GPRIN1: variants seen among roughly 807,000 people sequenced by gnomAD.
GPRIN1 encodes G protein-regulated inducer of neurite outgrowth 1.
GPRIN1 carries 4 observed loss-of-function variants against 2.8 expected under a neutral mutation model. The observed-to-expected ratio is 1.45, with a 90% confidence interval of 0.71 to 3.32. The LOEUF is 3.32. Ranked by LOEUF, GPRIN1 falls within the 30% of genes most tolerant of loss-of-function variation. GPRIN1 has a pLI of 0.01. For missense variants in GPRIN1, 1,322 were observed against 1,343.4 expected (o/e 0.98, Z 0.25); for synonymous variants, 589 against 589.9 (o/e 1.00, Z 0.02).
At position 176,596,953 on chromosome 5, in the gene GPRIN1, G is replaced by A. The variant is rs774567940; in HGVS notation, c.2882C>T (p.Ala961Val). ...GCCCGAACGGCCGGGGCCGGCACGG[G>A]CGGCGGGCGGCGGCGCGGGCGCCCC... ...RQGAPAPPPAARAGPGRSGSV... is the reference protein window; with the variant it reads ...RQGAPAPPPAVRAGPGRSGSV... The change falls in exon 2 of 2, where the codon GCC (alanine) becomes GTC (valine). Residue 961 changes from alanine (A) to valine (V), a missense_variant. Around this residue, in one of 3 missense-constraint regions of GPRIN1, gnomAD observed 196 missense variants for 189.2 expected, o/e 1.04. Coordinates refer to ENST00000303991, the MANE Select transcript of GPRIN1 (RefSeq NM_052899.3). This position sits in a 1 kb window ranked among gnomAD's most constrained non-coding sequence, Gnocchi z 5.2. The A allele has an allele frequency of 7.7e-7, 1 of 1,302,788 alleles. No homozygotes were observed. The highest frequency in any genetic ancestry group is 1.5e-5 in the African/African-American group (1 of 65,476). The allele number at this position is 1,302,788 out of a possible 1,614,324, so 80.7% of individuals were successfully genotyped here. A position where few individuals can be genotyped will look rare whatever the true frequency, so the allele number is the denominator to read the frequency against.
At position 176,599,208 on chromosome 5, in the gene GPRIN1, T is replaced by G. The variant is rs776911072; in HGVS notation, c.627A>C (p.Glu209Asp). The change falls in exon 2 of 2, where the codon GAA (glutamate) becomes GAC (aspartate). Residue 209 changes from glutamate (E) to aspartate (D), a missense_variant. This residue lies in a region of GPRIN1 where 1,117 missense variants were observed against 1,128.6 expected (regional missense o/e 0.99). Coordinates refer to ENST00000303991, the MANE Select transcript of GPRIN1 (RefSeq NM_052899.3). ...CTACTTTTCCCAGGGATCCAAGATC[T>G]TCCTTTCTTACAGTCATGGGATCCA... ...GRMDPMTVRK[E>D]DLGSLGKVDP... 1.9e-6 allele frequency: 3 copies of G among 1,613,842 alleles called. No homozygotes were observed. In the East Asian group the frequency reaches 6.7e-5, roughly 36 times the overall value.
At chr5:176,609,392 G>A (rs566747802) in intron 1 of GPRIN1, among the ~76,000 whole-genome samples, 6 of 152,290 alleles carry the variant, frequency 3.9e-5, no homozygotes, top group East Asian at 1.9e-4. Flanking sequence ...ACAGGTGGCC[G>A]TGTGTATGAG....
Position 176,597,552 on chromosome 5 carries a change from G to T in GPRIN1, c.2283C>A (p.Ser761=). Residue 761 remains serine, a synonymous_variant, in exon 2 of 2, where the codon TCC becomes TCA. Transcript: ENST00000303991. This position sits in a 1 kb window ranked among gnomAD's most constrained non-coding sequence, Gnocchi z 6.1. ...CTTCCAGGTCTTTCTGGCCGAGACTGGAGGCCTCGGTGCTGGACACGGGCT... is the reference window on the plus strand; with the variant it reads ...CTTCCAGGTCTTTCTGGCCGAGACTTGAGGCCTCGGTGCTGGACACGGGCT... The part of the protein sequence containing the change: ...KAEPVSSTEA[S]SLGQKDLEAA... 6.4e-7 allele frequency: 1 copy of T among 1,561,210 alleles called. No individual in the cohort carries two copies. The highest frequency in any genetic ancestry group is 2.3e-5 in the East Asian group (1 of 42,700).
rs561068203 is a variant in GPRIN1, at chr5:176,598,199, G to A, written c.1636C>T (p.Leu546Phe). 2.5e-6 allele frequency: 4 copies of A among 1,612,090 alleles called. No individual in the cohort carries two copies. In the Admixed American group the frequency reaches 5.0e-5, roughly 20 times the overall value. ...ACAGGGTCCTCCTTGCCCACCGCGA[G>A]GGGCTCGGCCTTCCCTGAGGCTGTG... is the stretch of plus-strand genomic sequence containing the variant. ...APTASGKAEP[L>F]AVGKEDPVSK... The change falls in exon 2 of 2, where the codon CTC becomes TTC. Residue 546 changes from leucine to phenylalanine, a missense_variant. This residue lies in a region of GPRIN1 where 1,117 missense variants were observed against 1,128.6 expected (regional missense o/e 0.99). Transcript: ENST00000303991.
chr5:176,596,906 C>T lies in GPRIN1; in HGVS notation c.2929G>A (p.Asp977Asn), dbSNP rs745473003. The change falls in exon 2 of 2, where the codon GAT becomes AAT. Residue 977 changes from aspartate to asparagine, a missense_variant. Physicochemically the swap from Asp to Asn is conservative, Grantham distance 23 (BLOSUM62 1). This residue lies in a region of GPRIN1 where 196 missense variants were observed against 189.2 expected (regional missense o/e 1.04). Transcript: ENST00000303991. This position sits in a 1 kb window ranked among gnomAD's most constrained non-coding sequence, Gnocchi z 5.2. ...RSGSVRTAPP[D>N]GAAKRPPGLF... is the part of the protein sequence containing the mutation. ...CCGGGCGGACGCTTGGCGGCGCCAT[C>T]TGGGGGCGCGGTGCGCACCGAGCCC... 1 of 1,230,244 alleles carries T rather than the reference C, an allele frequency of 8.1e-7. No individual in the cohort carries two copies. The highest frequency in any genetic ancestry group is 1.6e-5 in the African/African-American group (1 of 64,396). The allele number at this position is 1,230,244 out of a possible 1,614,324, so 76.2% of individuals were successfully genotyped here.
At position 176,595,842 on chromosome 5, in the gene GPRIN1, T is replaced by C; in HGVS notation, c.*966A>G. 1 of 645,712 alleles carries C rather than the reference T, an allele frequency of 1.5e-6. No individual in the cohort carries two copies. Among genetic ancestry groups the C allele is most frequent in the Non-Finnish European group, 2.3e-6 (1 of 427,820 alleles). 40.0% of individuals were successfully genotyped at this position (645,712 alleles called of 1,614,324 possible). On this transcript the variant is annotated 3_prime_UTR_variant, in exon 2 of 2. Coordinates refer to ENST00000303991, the MANE Select transcript of GPRIN1 (RefSeq NM_052899.3). ...ATTACCAATGTATACTGTGACAGTT[T>C]GTAGCCAAAAACTGCGGCTGGAGGG... is the stretch of plus-strand genomic sequence containing the variant.
chr5:176,609,773 CCCCCG>C (rs565734795), intron 1 of GPRIN1, among the ~76,000 whole-genome samples: 1,849 of 148,924 alleles, frequency 0.012, 35 homozygotes, highest in African/African-American at 0.033. Flanking sequence ...GCGGGACCCG[CCCCCG>C]CCCCGCCCCG....
At chr5:176,603,538 G>A (rs565757769) in intron 1 of GPRIN1, among the ~76,000 whole-genome samples, 1 of 152,274 alleles carries the variant, frequency 6.6e-6, no homozygotes, top group South Asian at 2.1e-4. Context: ...TCACTACTGG[G>A]TCCCTCAGGC....
At chr5:176,600,524 C>T (rs182333043) in intron 1 of GPRIN1, among the ~76,000 whole-genome samples, 10 of 152,266 alleles carry the variant, frequency 6.6e-5, no homozygotes, top group African/African-American at 9.6e-5. Context: ...CTCTGATGTC[C>T]GGGGGTCAAG....
At position 176,598,093 on chromosome 5, in the gene GPRIN1, T is replaced by C. The variant is rs1442900122; in HGVS notation, c.1742A>G (p.Lys581Arg). Residue 581 changes from lysine to arginine, a missense_variant, in exon 2 of 2, where the codon AAA (lysine) becomes AGA (arginine). Coordinates refer to ENST00000303991, the MANE Select transcript of GPRIN1 (RefSeq NM_052899.3). ...SIGKVVSTPGKTVPVPSGKVD... is the reference protein window; with the variant it reads ...SIGKVVSTPGRTVPVPSGKVD... ...CTTCCCCGAGGGCACCGGGACTGTT[T>C]TTCCTGGAGTTGAGACCACTTTACC... 1.9e-6 allele frequency: 3 copies of C among 1,613,560 alleles called. No individual in the cohort carries two copies. In the African/African-American group the frequency reaches 4.0e-5, roughly 22 times the overall value.
At chr5:176,604,351 G>C (rs529213004) in intron 1 of GPRIN1, among the ~76,000 whole-genome samples, 2 of 152,256 alleles carry the variant, frequency 1.3e-5, no homozygotes, top group African/African-American at 4.8e-5. Context: ...TGGTGGAGGA[G>C]GGGGGTTTAG....
chr5:176,598,131 G>A lies in GPRIN1; in HGVS notation c.1704C>T (p.Asp568=), dbSNP rs756514446. Reference sequence around the variant, plus strand: ...AGACCACTTTACCTATAGACACAGAGTCCCCTTGTCCAGAGGGGCCAGCGT... The same window carrying A: ...AGACCACTTTACCTATAGACACAGAATCCCCTTGTCCAGAGGGGCCAGCGT... ...KADAGPSGQG[D]SVSIGKVVST... Residue 568 remains aspartate (D), a synonymous_variant, in exon 2 of 2, where the codon GAC becomes GAT. Transcript: ENST00000303991. The A allele has an allele frequency of 1.9e-6, 3 of 1,612,932 alleles. No individual in the cohort carries two copies. Among genetic ancestry groups the A allele is most frequent in the Admixed American group, 1.7e-5 (1 of 60,024 alleles).
Position 176,599,831 on chromosome 5 carries a change from C to G in GPRIN1, c.4G>C (p.Asp2His). ...AGCCAGGCCGGGTCTTCAGCAGTGT[C>G]CATCTGCCCTCATGACCACGCCTGC... M[D>H]TAEDPAWLQL... Residue 2 changes from aspartate (D) to histidine (H), a missense_variant, in exon 2 of 2, where the codon GAC becomes CAC. Asp to His is a moderately conservative substitution (Grantham distance 81). Transcript: ENST00000303991. The G allele has an allele frequency of 1.4e-6, 2 of 1,471,926 alleles. No individual in the cohort carries two copies. Among genetic ancestry groups the G allele is most frequent in the Non-Finnish European group, 1.8e-6 (2 of 1,109,430 alleles). 91.2% of individuals were successfully genotyped at this position (1,471,926 alleles called of 1,614,324 possible). A position where few individuals can be genotyped will look rare whatever the true frequency, so the allele number is the denominator to read the frequency against.
intron 1 of GPRIN1, among the ~76,000 whole-genome samples, chr5:176,601,767 TTCACACCCC>T (rs1759151732): frequency 6.6e-6 from 1 of 152,074 alleles, no homozygotes; most frequent in South Asian, 2.1e-4. Flanking sequence ...ACCCTTGACT[TTCACACCCC>T]ACGTCTATCA....
Position 176,595,873 on chromosome 5 carries a change from G to A in GPRIN1, c.*935C>T, listed in dbSNP as rs1285584788. Reference sequence around the variant, plus strand: ...CAAAAACTGCGGCTGGAGGGGTGGGGACGGGACACTGAGTGGTCACAAGGG... The same window carrying A: ...CAAAAACTGCGGCTGGAGGGGTGGGAACGGGACACTGAGTGGTCACAAGGG... On this transcript the variant is annotated 3_prime_UTR_variant, in exon 2 of 2. Coordinates refer to ENST00000303991, the MANE Select transcript of GPRIN1 (RefSeq NM_052899.3). 1.0e-5 allele frequency: 5 copies of A among 485,554 alleles called. No homozygotes were observed. The highest frequency in any genetic ancestry group is 2.0e-5 in the African/African-American group (1 of 50,060). 30.1% of individuals were successfully genotyped at this position (485,554 alleles called of 1,614,324 possible). A position where few individuals can be genotyped will look rare whatever the true frequency, so the allele number is the denominator to read the frequency against.
chr5:176,603,923 G>GT (rs1446337799), intron 1 of GPRIN1, among the ~76,000 whole-genome samples: 1 of 152,234 alleles, frequency 6.6e-6, no homozygotes, highest in Non-Finnish European at 1.5e-5. Context: ...ACAAGAGGGA[G>GT]TGGTGGGGAC....
At position 176,599,389 on chromosome 5, in the gene GPRIN1, A is replaced by T. The variant is rs1310020716; in HGVS notation, c.446T>A (p.Phe149Tyr). The T allele has an allele frequency of 8.7e-6, 14 of 1,614,216 alleles. No individual in the cohort carries two copies. The highest frequency in any genetic ancestry group is 1.1e-5 in the Non-Finnish European group (13 of 1,180,034). The change falls in exon 2 of 2, where the codon TTC (phenylalanine) becomes TAC (tyrosine). Residue 149 changes from phenylalanine to tyrosine, a missense_variant. Coordinates refer to ENST00000303991, the MANE Select transcript of GPRIN1 (RefSeq NM_052899.3). ...PKSSDDRNPM[F>Y]LEKMDFKSSK... ...GGACTTGAAATCCATCTTCTCTAAG[A>T]ACATGGGATTTCTGTCATCTGAGGA...
rs765009644 is a variant in GPRIN1 at position 176,599,663 on chromosome 5, TG to T, written c.171del (p.Arg58GlyfsTer78). 4 of 1,559,662 alleles carry T rather than the reference TG, an allele frequency of 2.6e-6. No homozygotes were observed. In the Admixed American group the frequency reaches 5.9e-5, roughly 23 times the overall value. On this transcript the variant is annotated frameshift_variant, in exon 2 of 2. Transcript: ENST00000303991. LOFTEE classifies it low-confidence loss of function (END_TRUNC). ...CCTGGGCTTTGGTCAGGGGTGTGCCTGGGGGGTGCAGGGCTTGCCTTTTGCT... is the reference window on the plus strand; with the variant it reads ...CCTGGGCTTTGGTCAGGGGTGTGCCTGGGGGTGCAGGGCTTGCCTTTTGCT... ...PSQQKASPAPPRHTPDQSPGM... is the reference protein window; with the variant it reads ...PSQQKASPAPXRHTPDQSPGM...
rs1260441245 is a variant in GPRIN1, at chr5:176,597,360, G to A, written c.2475C>T (p.Ala825=). The change falls in exon 2 of 2, where the codon GCC becomes GCT. Residue 825 remains alanine (A), a synonymous_variant. Transcript: ENST00000303991. The surrounding 1 kb of genome is among the most constrained non-coding windows in gnomAD (Gnocchi z 6.1). ...QAGAQACVSV[A]VSPMSPQDGA... is the part of the protein sequence containing the mutation. Reference sequence around the variant, plus strand: ...CGTCCTGCGGAGACATGGGGCTCACGGCCACTGAGACGCAGGCCTGCGCGC... The same window carrying A: ...CGTCCTGCGGAGACATGGGGCTCACAGCCACTGAGACGCAGGCCTGCGCGC... The A allele has an allele frequency of 2.4e-6, 3 of 1,262,700 alleles. No individual in the cohort carries two copies. The highest frequency in any genetic ancestry group is 3.0e-5 in the South Asian group (1 of 33,606). 78.2% of individuals were successfully genotyped at this position (1,262,700 alleles called of 1,614,324 possible). A position where few individuals can be genotyped will look rare whatever the true frequency, so the allele number is the denominator to read the frequency against.
Sources: gnomAD v4.1 joint callset for allele counts (sites outside exome capture counted in the v4.1 genomes callset) on GRCh38, gnomAD v4.1.1 for gene constraint, gnomAD v4.1.1 regional missense constraint, Gnocchi (gnomAD v3.1) non-coding constraint, MANE v1.5 for transcripts, NCBI Gene and HGNC (gene_info 2026-07-23, HGNC 2026-07-21) for gene names.